BLTP3A: variants seen among roughly 807,000 people sequenced by gnomAD.
BLTP3A encodes the protein bridge-like lipid transfer protein family member 3A, also known as ICBP90 binding protein 1.
the BLTP3A span, chr6:34,858,541 T>G: frequency 1.9e-6 from 3 of 1,614,088 alleles, no homozygotes; most frequent in Non-Finnish European, 2.5e-6. Flanking sequence ...CATTTGGGCC[T>G]GCCTACCCCT....
the BLTP3A span, chr6:34,863,867 T>C: frequency 1.3e-6 from 1 of 788,618 alleles, no homozygotes; most frequent in Non-Finnish European, 1.9e-6. Context: ...TAATAGGTAA[T>C]GTCAAAGTTG....
the BLTP3A span, among the ~76,000 whole-genome samples, chr6:34,839,717 C>G: frequency 8.1e-3 from 1,236 of 152,342 alleles, 47 homozygotes; most frequent in Admixed American, 0.068. Context: ...ACAGCTCTCT[C>G]GCACTGGCCC....
the BLTP3A span, chr6:34,836,191 G>T: frequency 6.2e-7 from 1 of 1,614,106 alleles, no homozygotes; most frequent in Non-Finnish European, 8.5e-7. Flanking sequence ...AGCAGTCCTG[G>T]GCCCAGGCAT....
chr6:34,794,925 C>G, the BLTP3A span, among the ~76,000 whole-genome samples: 2 of 150,832 alleles, frequency 1.3e-5, no homozygotes, highest in Non-Finnish European at 3.0e-5. Context: ...GCTGGGACTA[C>G]AGGCATGCGC....
At chr6:34,814,353 C>T in the BLTP3A span, among the ~76,000 whole-genome samples, 1 of 152,140 alleles carries the variant, frequency 6.6e-6, no homozygotes, top group East Asian at 1.9e-4. Flanking sequence ...TGTTATTGCT[C>T]TAAAATGCAG....
chr6:34,835,525 A>C, the BLTP3A span: 2 of 1,528,572 alleles, frequency 1.3e-6, no homozygotes, highest in South Asian at 1.2e-5. Context: ...GACCTAACTC[A>C]TACTAATGTA....
At chr6:34,840,079 A>G in the BLTP3A span, among the ~76,000 whole-genome samples, 1 of 152,230 alleles carries the variant, frequency 6.6e-6, no homozygotes, top group East Asian at 1.9e-4. Context: ...GTGGAGTTAT[A>G]TGCCTGTGCT....
chr6:34,814,524 G>A, the BLTP3A span, among the ~76,000 whole-genome samples: 1 of 152,220 alleles, frequency 6.6e-6, no homozygotes, highest in East Asian at 1.9e-4. Flanking sequence ...TGGTCCAGCA[G>A]ACGTGCATGC....
the BLTP3A span, among the ~76,000 whole-genome samples, chr6:34,855,356 G>A: frequency 3.2e-4 from 49 of 152,228 alleles, no homozygotes; most frequent in African/African-American, 1.0e-3. Context: ...GGTCTCTTTC[G>A]CCTTTCTGGA....
At chr6:34,876,796 T>C in the BLTP3A span, 1 of 152,158 alleles carries the variant, frequency 6.6e-6, no homozygotes, top group Non-Finnish European at 1.5e-5. Context: ...TGGGTAGGTA[T>C]AGGTAGTAGC....
the BLTP3A span, among the ~76,000 whole-genome samples, chr6:34,843,192 A>G: frequency 2.0e-5 from 3 of 151,976 alleles, no homozygotes; most frequent in African/African-American, 7.2e-5. Context: ...CTATGTTACC[A>G]GGGCTGGTCT....
the BLTP3A span, chr6:34,792,202 G>A: frequency 2.6e-6 from 4 of 1,525,308 alleles, no homozygotes; most frequent in African/African-American, 4.2e-5. Context: ...CAACTGAGGA[G>A]GCCACAGCTG....
At chr6:34,858,063 T>C in the BLTP3A span, 1 of 1,578,368 alleles carries the variant, frequency 6.3e-7, no homozygotes, top group African/African-American at 1.4e-5. Context: ...TGTGTATTAA[T>C]AGTGGGATGC....
chr6:34,867,558 G>A, the BLTP3A span: 1 of 1,613,972 alleles, frequency 6.2e-7, no homozygotes. Context: ...CAGAGGAACT[G>A]ACCCTCCAGC....
chr6:34,842,982 TTTTA>T, the BLTP3A span, among the ~76,000 whole-genome samples: 2 of 152,166 alleles, frequency 1.3e-5, no homozygotes, highest in South Asian at 2.1e-4. Context: ...TATTTTAAAA[TTTTA>T]TTTATTTATT....
At chr6:34,857,434 A>G in the BLTP3A span, 16 of 1,614,204 alleles carry the variant, frequency 9.9e-6, no homozygotes, top group Non-Finnish European at 1.3e-5. Flanking sequence ...TATTGAGTTC[A>G]CAGAGTATTA....
At chr6:34,841,914 G>A in the BLTP3A span, among the ~76,000 whole-genome samples, 1 of 152,172 alleles carries the variant, frequency 6.6e-6, no homozygotes, top group Non-Finnish European at 1.5e-5. Flanking sequence ...TTAGGGTAAA[G>A]CCTGTTAGCC....
the BLTP3A span, among the ~76,000 whole-genome samples, chr6:34,833,642 G>T: frequency 1.3e-5 from 2 of 151,820 alleles, no homozygotes; most frequent in Non-Finnish European, 2.9e-5. Context: ...ATTAAAGAAA[G>T]TACTGTCCAG....
chr6:34,817,658 T>C, the BLTP3A span, among the ~76,000 whole-genome samples: 2 of 152,172 alleles, frequency 1.3e-5, no homozygotes, highest in Admixed American at 6.5e-5. Flanking sequence ...ATATGTGTTA[T>C]AGGAATAGAA....
Sources: allele counts gnomAD v4.1 joint callset (sites outside exome capture counted in the v4.1 genomes callset), GRCh38; gene constraint gnomAD v4.1.1; transcripts MANE v1.5; gene names NCBI Gene and HGNC (gene_info 2026-07-23, HGNC 2026-07-21).